PBX3: variants seen among roughly 807,000 people sequenced by gnomAD.
PBX3 encodes PBX homeobox 3, also known as pre-B-cell leukemia transcription factor 3.
PBX3 carries 14 observed loss-of-function variants against 48.5 expected under a neutral mutation model. The observed-to-expected ratio is 0.29, with a 90% CI of 0.19 to 0.45. PBX3 has a LOEUF of 0.45. PBX3 is among the 20% of genes least tolerant of loss of function. The pLI, the probability that PBX3 is intolerant of heterozygous loss-of-function variation, is 1.00. For synonymous variants in PBX3, 210 were observed against 200.3 expected, an observed-to-expected ratio of 1.05 and a Z score of -0.41; for missense variants, 386 against 546.7, an observed-to-expected ratio of 0.71 and a Z score of 2.93.
intron 2 of PBX3, chr9:125,749,066 A>C (rs1302486432): frequency 5.9e-6 from 1 of 170,226 alleles, no homozygotes; most frequent in Non-Finnish European, 1.3e-5. Context: ...GAATAGATGC[A>C]ATTGAACAGA....
chr9:125,816,031 G>T (rs564819684), intron 2 of PBX3, among the ~76,000 whole-genome samples: 1 of 152,150 alleles, frequency 6.6e-6, no homozygotes, highest in African/African-American at 2.4e-5. Context: ...TTGAGACCGT[G>T]TCTTACTATG....
intron 4 of PBX3, among the ~76,000 whole-genome samples, chr9:125,934,009 C>T (rs1841777743): frequency 2.0e-5 from 3 of 152,116 alleles, no homozygotes; most frequent in South Asian, 4.1e-4. Context: ...CATTTGTCTT[C>T]GTTCCGTTCC....
At chr9:125,942,904 A>C (rs979407314) in intron 5 of PBX3, among the ~76,000 whole-genome samples, 3 of 152,204 alleles carry the variant, frequency 2.0e-5, no homozygotes, top group Non-Finnish European at 2.9e-5. Context: ...AAAACAGGGA[A>C]GCTTCTGATT....
intron 2 of PBX3, among the ~76,000 whole-genome samples, chr9:125,758,226 C>A (rs1836572385): frequency 6.6e-6 from 1 of 151,662 alleles, no homozygotes; most frequent in Non-Finnish European, 1.5e-5. Flanking sequence ...ATTTTGTATT[C>A]AATAAAGGAA....
At chr9:125,876,221 C>G (rs931808425) in intron 2 of PBX3, among the ~76,000 whole-genome samples, 9 of 152,128 alleles carry the variant, frequency 5.9e-5, no homozygotes, top group African/African-American at 2.2e-4. Flanking sequence ...ACTTATTTCC[C>G]ACTTATACTG....
intron 2 of PBX3, among the ~76,000 whole-genome samples, chr9:125,899,485 A>AGAGAGAGAGAGC (rs1333469605): frequency 1.6e-5 from 2 of 123,322 alleles, no homozygotes; most frequent in African/African-American, 5.8e-5. Flanking sequence ...AGAGAGAGAG[A>AGAGAGAGAGAGC]GAGCTCACCC....
chr9:125,890,012 C>T (rs973958409), intron 2 of PBX3, among the ~76,000 whole-genome samples: 1 of 152,016 alleles, frequency 6.6e-6, no homozygotes, highest in Non-Finnish European at 1.5e-5. Context: ...CGCGCGTTGC[C>T]CGCCGACCTT....
At chr9:125,884,397 T>C (rs1215069027) in intron 2 of PBX3, among the ~76,000 whole-genome samples, 4 of 152,236 alleles carry the variant, frequency 2.6e-5, no homozygotes, top group Admixed American at 2.0e-4. Flanking sequence ...ACAGGAGCTT[T>C]TATGCATTCA....
At chr9:125,900,632 T>C (rs10987014) in intron 2 of PBX3, among the ~76,000 whole-genome samples, 9,028 of 151,766 alleles carry the variant, frequency 0.059, 625 homozygotes, top group East Asian at 0.17. Flanking sequence ...GCTTTACACC[T>C]AAACAAACCA....
At chr9:125,919,856 G>A (rs1841419807) in intron 3 of PBX3, among the ~76,000 whole-genome samples, 1 of 152,170 alleles carries the variant, frequency 6.6e-6, no homozygotes, top group South Asian at 2.1e-4. Flanking sequence ...GCTACAGTTT[G>A]AGCAAAATTA....
intron 2 of PBX3, among the ~76,000 whole-genome samples, chr9:125,816,603 C>A (rs914321065): frequency 2.6e-5 from 4 of 152,186 alleles, no homozygotes; most frequent in African/African-American, 9.7e-5. Flanking sequence ...CGGATGGTCA[C>A]TTGCCTGAGT....
At chr9:125,802,899 G>A (rs929345101) in intron 2 of PBX3, among the ~76,000 whole-genome samples, 2 of 151,276 alleles carry the variant, frequency 1.3e-5, no homozygotes, top group African/African-American at 4.9e-5. Flanking sequence ...AACTGGTCTC[G>A]AACTCCTGAC....
intron 5 of PBX3, among the ~76,000 whole-genome samples, chr9:125,959,969 TC>T (rs996600632): frequency 6.6e-6 from 1 of 152,214 alleles, no homozygotes; most frequent in African/African-American, 2.4e-5. Flanking sequence ...ATTGCCAAGA[TC>T]CTTTGTAGAA....
At chr9:125,937,029 G>A (rs1006667240) in intron 5 of PBX3, among the ~76,000 whole-genome samples, 1 of 152,158 alleles carries the variant, frequency 6.6e-6, no homozygotes, top group Non-Finnish European at 1.5e-5. Flanking sequence ...TGCCACGCCT[G>A]GTTTTCCTGT....
Position 125,915,780 on chromosome 9 carries a change from T to C in PBX3, c.369T>C (p.Pro123=). 1.1e-5 allele frequency: 18 copies of C among 1,614,094 alleles called. No homozygotes were observed. The highest frequency in any genetic ancestry group is 1.4e-5 in the Non-Finnish European group (17 of 1,180,006). The change falls in exon 3 of 9, where the codon CCT becomes CCC. Residue 123 remains proline, a synonymous_variant. Coordinates refer to ENST00000373489, the MANE Select transcript of PBX3 (RefSeq NM_006195.6). ...NMLLAEGVSG[P]EKGGGSAAAA... Reference sequence around the variant, plus strand: ...TTTTGGCAGAAGGGGTTTCAGGTCCTGAGAAAGGTGGGGGATCGGCGGCAG... The same window carrying C: ...TTTTGGCAGAAGGGGTTTCAGGTCCCGAGAAAGGTGGGGGATCGGCGGCAG...
intron 3 of PBX3, among the ~76,000 whole-genome samples, chr9:125,917,279 C>T (rs1841354992): frequency 6.6e-6 from 1 of 152,178 alleles, no homozygotes; most frequent in Admixed American, 6.5e-5. Flanking sequence ...AGAGATATCA[C>T]ATATACCTCC....
chr9:125,958,884 C>CCT (rs1315502378), intron 5 of PBX3, among the ~76,000 whole-genome samples: 2 of 151,326 alleles, frequency 1.3e-5, no homozygotes, highest in East Asian at 1.9e-4. Flanking sequence ...TCACTGTCTT[C>CCT]CTCTCTCTCT....
intron 2 of PBX3, among the ~76,000 whole-genome samples, chr9:125,758,417 A>G (rs1836578829): frequency 6.6e-6 from 1 of 152,130 alleles, no homozygotes; most frequent in African/African-American, 2.4e-5. Context: ...TTTTCTAAAG[A>G]CTGAACTTTA....
intron 2 of PBX3, among the ~76,000 whole-genome samples, chr9:125,888,935 A>G (rs77019633): frequency 0.02 from 3,038 of 152,242 alleles, 171 homozygotes; most frequent in East Asian, 0.17. Flanking sequence ...GATTATGAGT[A>G]TGAAGTGAAA....
Sources: gnomAD v4.1 joint callset for allele counts (sites outside exome capture counted in the v4.1 genomes callset) on GRCh38, gnomAD v4.1.1 for gene constraint, MANE v1.5 for transcripts, NCBI Gene and HGNC (gene_info 2026-07-23, HGNC 2026-07-21) for gene names.